The following SLC1A2 variants were observed in gnomAD, a reference collection of about 807,000 sequenced individuals.
The protein encoded by SLC1A2 is excitatory amino acid transporter 2.
SLC1A2 carries 15 observed loss-of-function variants against 48.8 expected under a neutral mutation model. The ratio of observed to expected loss-of-function variants is 0.31; its 90% CI spans 0.21 to 0.47. The LOEUF (loss-of-function observed/expected upper bound fraction) is 0.47, where lower values mean the gene tolerates loss of function less well. SLC1A2 is among the 20% of genes least tolerant of loss of function. The probability of loss-of-function intolerance (pLI) is 0.99; values close to 1 mark genes in which losing one functional copy is unlikely to be tolerated. For missense variants in SLC1A2, 502 were observed against 730.5 expected (o/e 0.69, Z 3.61); for synonymous variants, 279 against 272.6 (o/e 1.02, Z -0.23).
chr11:35,251,899 T>C lies in SLC1A2; in HGVS notation c.*8995A>G, dbSNP rs1296906199. 6.6e-6 allele frequency: 1 copy of C among 152,610 alleles called. No individual in the cohort carries two copies. The highest frequency in any genetic ancestry group is 2.4e-5 in the African/African-American group (1 of 41,454). 9.5% of individuals were successfully genotyped at this position (152,610 alleles called of 1,614,324 possible). The stretch of plus-strand genomic sequence containing the variant: ...TACAGGAACTATAGACCTCACAGCA[T>C]TGTATTTAGCGATAATTATACAGAA... On this transcript the variant is annotated 3_prime_UTR_variant, in exon 11 of 11. Coordinates refer to ENST00000278379, the MANE Select transcript of SLC1A2 (RefSeq NM_004171.4).
chr11:35,351,392 T>A (rs1030912386), intron 1 of SLC1A2, among the ~76,000 whole-genome samples: 1 of 152,196 alleles, frequency 6.6e-6, no homozygotes, highest in African/African-American at 2.4e-5. Flanking sequence ...CCATGGATCC[T>A]GTCTGAAGAA....
chr11:35,317,575 G>A (rs186612664), intron 1 of SLC1A2, 59 bp from the exon 2 acceptor site: 1 of 1,563,674 alleles, frequency 6.4e-7, no homozygotes, highest in Non-Finnish European at 8.7e-7. Flanking sequence ...TACAGTTTCA[G>A]GGGCTCGACT....
At chr11:35,377,501 G>T (rs7102654) in intron 1 of SLC1A2, among the ~76,000 whole-genome samples, 2,046 of 152,242 alleles carry the variant, frequency 0.013, 47 homozygotes, top group African/African-American at 0.046. Flanking sequence ...CTCTATTTTC[G>T]TGAGATAACT....
intron 1 of SLC1A2, among the ~76,000 whole-genome samples, chr11:35,334,109 A>G (rs1322329008): frequency 1.3e-5 from 2 of 152,118 alleles, no homozygotes; most frequent in East Asian, 3.8e-4. Context: ...CTAAGAAGTG[A>G]TTGTCCCTTA....
rs750650650 is a variant in SLC1A2, at chr11:35,265,675, T to C, written c.1505A>G (p.Asp502Gly). Reference sequence around the variant, plus strand: ...CACTCGATGCTGGGAGTCAATGGTATCCAGCTCAGACTTGGAGAGGTGATA... The same window carrying C: ...CACTCGATGCTGGGAGTCAATGGTACCCAGCTCAGACTTGGAGAGGTGATA... ...IVYHLSKSEL[D>G]TIDSQHRVHE... The change falls in exon 10 of 11, where the codon GAT (aspartate) becomes GGT (glycine). Residue 502 changes from aspartate (D) to glycine (G), a missense_variant. Coordinates refer to ENST00000278379, the MANE Select transcript of SLC1A2 (RefSeq NM_004171.4). The C allele has an allele frequency of 3.1e-6, 5 of 1,613,462 alleles. No homozygotes were observed. The South Asian group carries it at 4.4e-5, about 14-fold the overall frequency.
intron 9 of SLC1A2, among the ~76,000 whole-genome samples, chr11:35,274,205 T>G (rs1479288985): frequency 2.0e-5 from 3 of 152,262 alleles, no homozygotes; most frequent in African/African-American, 7.2e-5. Context: ...ATTACTCTTT[T>G]GAACTTTGTC....
chr11:35,378,837 G>T (rs1488127786), intron 1 of SLC1A2, among the ~76,000 whole-genome samples: 1 of 152,240 alleles, frequency 6.6e-6, no homozygotes, highest in African/African-American at 2.4e-5. Flanking sequence ...TGGCAAGGAT[G>T]CATAGCCAAT....
In SLC1A2 at chr11:35,301,606, C is replaced by T; in HGVS notation, c.770G>A (p.Gly257Glu). The change falls in exon 6 of 11, where the codon GGG (glycine) becomes GAG (glutamate). Residue 257 changes from glycine to glutamate, a missense_variant. Transcript: ENST00000278379. ...CAGCTTGGCCTGATCTCCCATCTTC[C>T]CCATAGCGATGCCAAAAGCAATGAA... Reference protein sequence around the residue: ...GFFIAFGIAMGKMGDQAKLMV... With the variant: ...GFFIAFGIAMEKMGDQAKLMV... 1.2e-6 allele frequency: 2 copies of T among 1,613,776 alleles called. No individual in the cohort carries two copies. The highest frequency in any genetic ancestry group is 1.7e-6 in the Non-Finnish European group (2 of 1,179,742).
chr11:35,353,325 G>A (rs1372597294), intron 1 of SLC1A2, among the ~76,000 whole-genome samples: 3 of 152,130 alleles, frequency 2.0e-5, no homozygotes, highest in Admixed American at 2.0e-4. Flanking sequence ...CAATGCCTCA[G>A]CTTCTCTTCT....
intron 9 of SLC1A2, among the ~76,000 whole-genome samples, chr11:35,271,782 G>A (rs1850286572): frequency 6.6e-6 from 1 of 152,164 alleles, no homozygotes; most frequent in African/African-American, 2.4e-5. Context: ...GACGAAGGTT[G>A]CAGTGAGCCA....
rs868354790 is a variant in SLC1A2, at chr11:35,260,556, T to C, written c.*338A>G. The C allele has an allele frequency of 1.4e-4, 43 of 310,872 alleles. No individual in the cohort carries two copies. The highest frequency in any genetic ancestry group is 8.0e-4 in the African/African-American group (37 of 45,992). 19.3% of individuals were successfully genotyped at this position (310,872 alleles called of 1,614,324 possible). The stretch of plus-strand genomic sequence containing the variant: ...GGAGTGTACCACACTGCTTTACTCA[T>C]GTCCCCTGGGAAAAGAGCATCCACA... On this transcript the variant is annotated 3_prime_UTR_variant, in exon 11 of 11. Coordinates refer to ENST00000278379, the MANE Select transcript of SLC1A2 (RefSeq NM_004171.4).
At chr11:35,287,804 A>G (rs988543177) in intron 7 of SLC1A2, among the ~76,000 whole-genome samples, 1 of 152,220 alleles carries the variant, frequency 6.6e-6, no homozygotes, top group African/African-American at 2.4e-5. Flanking sequence ...CCATGTGGAT[A>G]GAAGTGCCTG....
At chr11:35,292,039 T>A (rs1026710272) in intron 7 of SLC1A2, 6 of 471,674 alleles carry the variant, frequency 1.3e-5, no homozygotes, top group South Asian at 6.5e-5. Flanking sequence ...AGCATGCATT[T>A]ATCTGAAAAA....
At chr11:35,328,533 A>G (rs570699565) in intron 1 of SLC1A2, among the ~76,000 whole-genome samples, 1 of 152,202 alleles carries the variant, frequency 6.6e-6, no homozygotes, top group Non-Finnish European at 1.5e-5. Flanking sequence ...TACTTGCTCA[A>G]TGTCACAAAA....
intron 1 of SLC1A2, 34 bp from the exon 2 acceptor site, chr11:35,317,550 C>T (rs1851924292): frequency 6.2e-7 from 1 of 1,602,592 alleles, no homozygotes; most frequent in Non-Finnish European, 8.5e-7. Flanking sequence ...ATTAGAGAGA[C>T]TGGCACCTCC....
chr11:35,330,065 C>T (rs1013730869), intron 1 of SLC1A2, among the ~76,000 whole-genome samples: 5 of 152,150 alleles, frequency 3.3e-5, no homozygotes, highest in African/African-American at 4.8e-5. Flanking sequence ...CCCAGCTTGG[C>T]CTGAACAAGG....
intron 6 of SLC1A2, among the ~76,000 whole-genome samples, chr11:35,296,915 C>T (rs540964818): frequency 6.6e-6 from 1 of 152,226 alleles, no homozygotes; most frequent in Admixed American, 6.5e-5. Flanking sequence ...TTGGCTTTCC[C>T]TCTCTCCCTT....
In SLC1A2 at chr11:35,300,588, G is replaced by A. The variant is rs1156617854; in HGVS notation, c.857+931C>T. ...CAGATACCAAATCTGCTAGTACCTTGATCTTGGACTTGCCAGCCTCCAGAA... is the reference window on the plus strand; with the variant it reads ...CAGATACCAAATCTGCTAGTACCTTAATCTTGGACTTGCCAGCCTCCAGAA... On this transcript the variant is annotated intron_variant, in intron 6 of 10. Coordinates refer to ENST00000278379, the MANE Select transcript of SLC1A2 (RefSeq NM_004171.4). Among the ~76,000 whole-genome samples, 6 of 152,328 alleles carry A rather than the reference G, an allele frequency of 3.9e-5. No homozygotes were observed. The East Asian group carries it at 1.2e-3, about 29-fold the overall frequency.
At chr11:35,292,989 CAGAG>C (rs144246892) in intron 6 of SLC1A2, among the ~76,000 whole-genome samples, 6 of 150,070 alleles carry the variant, frequency 4.0e-5, no homozygotes, top group African/African-American at 1.2e-4. Context: ...GAGAGAGAGA[CAGAG>C]AGAGAGAGAG....
Sources: allele counts gnomAD v4.1 joint callset (sites outside exome capture counted in the v4.1 genomes callset), GRCh38; gene constraint gnomAD v4.1.1; transcripts MANE v1.5; gene names NCBI Gene and HGNC (gene_info 2026-07-23, HGNC 2026-07-21).